Variants in NEK6 observed in about 807,000 individuals in gnomAD.
NEK6 encodes serine/threonine-protein kinase Nek6.
Under a neutral mutation model 43.5 loss-of-function variants are expected in NEK6, and 27 were observed. The ratio of observed to expected loss-of-function variants is 0.62; its 90% confidence interval spans 0.46 to 0.86. The LOEUF is 0.86. Among genes scored for constraint, NEK6 ranks in the 40% least tolerant of loss-of-function variants. The probability of loss-of-function intolerance (pLI) is 0.00; values close to 1 mark genes in which losing one functional copy is unlikely to be tolerated. For missense variants in NEK6, 318 were observed against 414.4 expected, an observed-to-expected ratio of 0.77 and a Z score of 2.02; for synonymous variants, 167 against 164.1, an observed-to-expected ratio of 1.02 and a Z score of -0.14.
intron 1 of NEK6, among the ~76,000 whole-genome samples, chr9:124,284,091 A>G (rs761153230): frequency 3.3e-5 from 5 of 152,240 alleles, no homozygotes; most frequent in Admixed American, 6.5e-5. Flanking sequence ...GCTCTCGCCT[A>G]TAATCCCAGC....
intron 2 of NEK6, among the ~76,000 whole-genome samples, chr9:124,303,651 A>G (rs1003523733): frequency 3.3e-5 from 5 of 152,152 alleles, no homozygotes; most frequent in African/African-American, 7.2e-5. Flanking sequence ...TGGGGCATCT[A>G]TGCTATTTGT....
intron 2 of NEK6, among the ~76,000 whole-genome samples, chr9:124,302,449 T>A (rs1349465641): frequency 6.6e-6 from 1 of 152,216 alleles, no homozygotes; most frequent in Non-Finnish European, 1.5e-5. Context: ...TTTCTTACAG[T>A]GAGCCAACAT....
At chr9:124,314,860 A>G (rs1461356881) in intron 4 of NEK6, among the ~76,000 whole-genome samples, 1 of 152,150 alleles carries the variant, frequency 6.6e-6, no homozygotes, top group East Asian at 1.9e-4. Context: ...GCGTTTCACC[A>G]TGTTGACCAG....
intron 1 of NEK6, among the ~76,000 whole-genome samples, chr9:124,296,196 C>G (rs1316880011): frequency 6.6e-6 from 1 of 152,266 alleles, no homozygotes; most frequent in Non-Finnish European, 1.5e-5. Flanking sequence ...AGACATCACC[C>G]CTGGTGCTGG....
chr9:124,327,675 C>T lies in NEK6; in HGVS notation c.622+230C>T, dbSNP rs183261713. ...CCCCCTGATCACCTCCCAGCCCTTGCGGGAGAAGCTGACTGAGCCGGTTGC... is the reference window on the plus strand; with the variant it reads ...CCCCCTGATCACCTCCCAGCCCTTGTGGGAGAAGCTGACTGAGCCGGTTGC... On this transcript the variant is annotated intron_variant, in intron 7 of 9. Transcript: ENST00000320246. 5.6e-3 allele frequency among the ~76,000 whole-genome samples: 853 copies of T among 152,292 alleles called. 13 individuals are homozygous for T. Among genetic ancestry groups the T allele is most frequent in the African/African-American group, 0.019 (798 of 41,556 alleles).
chr9:124,292,326 T>C, intron 1 of NEK6: 4 of 1,442,712 alleles, frequency 2.8e-6, no homozygotes, highest in Non-Finnish European at 3.7e-6. Flanking sequence ...GGGTGGCTGC[T>C]GATGGCTGCT....
In NEK6 at chr9:124,347,840, G is replaced by A. The variant is rs569274002; in HGVS notation, c.831+18G>A. 127 of 1,550,450 alleles carry A rather than the reference G, an allele frequency of 8.2e-5. 3 individuals are homozygous for A. In the South Asian group the frequency reaches 1.2e-3, roughly 14 times the overall value. On this transcript the variant is annotated intron_variant, in intron 9 of 9. Coordinates refer to ENST00000320246, the MANE Select transcript of NEK6 (RefSeq NM_014397.6). ...CCGAGAAGGTGAGTTTGCAGGAGCC[G>A]GAGGCCTCGCCAGCCCCAGGAGGCC...
At chr9:124,340,426 C>T (rs1189570461) in intron 8 of NEK6, among the ~76,000 whole-genome samples, 1 of 152,176 alleles carries the variant, frequency 6.6e-6, no homozygotes, top group Non-Finnish European at 1.5e-5. Flanking sequence ...CACACAAGCT[C>T]CCCACTGTCC....
intron 9 of NEK6, among the ~76,000 whole-genome samples, chr9:124,350,555 C>T (rs1473363436): frequency 1.3e-5 from 2 of 152,032 alleles, no homozygotes; most frequent in South Asian, 2.1e-4. Flanking sequence ...GTGTGGACAG[C>T]TACAAGTTCA....
At chr9:124,278,638 G>A (rs1324792156) in intron 1 of NEK6, among the ~76,000 whole-genome samples, 2 of 152,192 alleles carry the variant, frequency 1.3e-5, no homozygotes, top group Admixed American at 6.5e-5. Context: ...CTTGGGATGC[G>A]GTCAGAATAT....
chr9:124,308,441 C>G (rs1833366565), intron 2 of NEK6, among the ~76,000 whole-genome samples: 1 of 152,140 alleles, frequency 6.6e-6, no homozygotes, highest in Admixed American at 6.5e-5. Context: ...CACCTGAGGT[C>G]AGGTGTTCAA....
chr9:124,292,902 G>T, intron 1 of NEK6: 1 of 1,496,684 alleles, frequency 6.7e-7, no homozygotes, highest in East Asian at 2.5e-5. Context: ...TGTGGAGCTG[G>T]GAGTGACGGG....
At chr9:124,299,973 C>T (rs1182399574) in intron 1 of NEK6, 2 of 152,218 alleles carry the variant, frequency 1.3e-5, no homozygotes, top group Non-Finnish European at 2.9e-5. Context: ...TGCAGTCTCA[C>T]ATCCTGTCAT....
intron 1 of NEK6, among the ~76,000 whole-genome samples, chr9:124,280,162 C>A (rs1204787779): frequency 6.7e-6 from 1 of 150,296 alleles, no homozygotes; most frequent in African/African-American, 2.4e-5. Context: ...CAGGTTCACA[C>A]CGCCCAAAGA....
intron 6 of NEK6, among the ~76,000 whole-genome samples, chr9:124,327,038 C>G (rs892874283): frequency 5.3e-5 from 8 of 152,214 alleles, no homozygotes; most frequent in South Asian, 2.1e-4. Context: ...GTGCGAGGCA[C>G]TGTTCTAGGC....
intron 1 of NEK6, chr9:124,261,496 A>T: frequency 1.0e-6 from 1 of 985,458 alleles, no homozygotes; most frequent in Non-Finnish European, 1.2e-6. Context: ...CACTGTTCGC[A>T]GGAAGAGTCC....
rs954642382 is a variant in NEK6, at chr9:124,258,004, A to G, written c.-111A>G. The G allele has an allele frequency of 1.0e-6, 1 of 977,878 alleles. No individual in the cohort carries two copies. The highest frequency in any genetic ancestry group is 1.2e-6 in the Non-Finnish European group (1 of 827,206). The allele number at this position is 977,878 out of a possible 1,614,324, so 60.6% of individuals were successfully genotyped here. ...CGGGCGTGCGGCCGCTGCGCCGCAA[A>G]CTCGTGTGGGACGCACCGCTCCAGC... On this transcript the variant is annotated 5_prime_UTR_variant, in exon 1 of 10. Transcript: ENST00000320246.
chr9:124,339,745 C>A, intron 8 of NEK6, 80 bp downstream of exon 8: 1 of 1,045,474 alleles, frequency 9.6e-7, no homozygotes, highest in Non-Finnish European at 1.5e-6. Context: ...CTCACCCTAC[C>A]AGCTCAGGGT....
chr9:124,271,063 G>C (rs910885063), intron 1 of NEK6, among the ~76,000 whole-genome samples: 2 of 152,240 alleles, frequency 1.3e-5, no homozygotes, highest in Admixed American at 6.5e-5. Context: ...GTTAAGCACT[G>C]TCTGCAGACT....
Sources: allele counts gnomAD v4.1 joint callset (sites outside exome capture counted in the v4.1 genomes callset), GRCh38; gene constraint gnomAD v4.1.1; transcripts MANE v1.5; gene names NCBI Gene and HGNC (gene_info 2026-07-23, HGNC 2026-07-21).